The following COG5 variants were observed in gnomAD, a reference collection of about 807,000 sequenced individuals.
COG5 encodes component of oligomeric golgi complex 5.
A neutral mutation model predicts 110.4 loss-of-function variants in COG5; 86 were observed. That is an observed-to-expected ratio of 0.78 (90% confidence interval 0.65 to 0.93). COG5 has a LOEUF of 0.93. Among genes scored for constraint, COG5 ranks in the 40% least tolerant of loss-of-function variants. The probability of loss-of-function intolerance (pLI) is 0.00; values close to 1 mark genes in which losing one functional copy is unlikely to be tolerated. For synonymous variants in COG5, 360 were observed against 334.6 expected, an observed-to-expected ratio of 1.08 and a Z score of -0.83; for missense variants, 1,077 against 987.0, an observed-to-expected ratio of 1.09 and a Z score of -1.22.
intron 17 of COG5, 145 bp from the exon 18 acceptor site, chr7:107,236,832 A>G (rs537052608): frequency 5.8e-6 from 4 of 694,132 alleles, no homozygotes; most frequent in Admixed American, 2.2e-5. Flanking sequence ...TTACTTTTTG[A>G]TAAGCGTTAG....
intron 21 of COG5, among the ~76,000 whole-genome samples, chr7:107,205,616 A>T (rs147165168): frequency 6.6e-6 from 1 of 152,322 alleles, no homozygotes; most frequent in East Asian, 1.9e-4. Context: ...TCAGTTAAAG[A>T]GCCACATTCT....
intron 10 of COG5, among the ~76,000 whole-genome samples, chr7:107,350,720 G>A (rs895746732): frequency 7.9e-5 from 12 of 152,084 alleles, no homozygotes; most frequent in African/African-American, 2.4e-4. Context: ...GGAATGACAC[G>A]TTGTTACCAA....
intron 6 of COG5, among the ~76,000 whole-genome samples, chr7:107,508,612 T>C (rs1799229009): frequency 6.6e-6 from 1 of 152,190 alleles, no homozygotes; most frequent in Admixed American, 6.5e-5. Flanking sequence ...CCGAGCAGCC[T>C]AACTGGGAGG....
At chr7:107,539,050 GA>G in intron 5 of COG5, among the ~76,000 whole-genome samples, 1 of 152,246 alleles carries the variant, frequency 6.6e-6, no homozygotes, top group South Asian at 2.1e-4. Flanking sequence ...GGCTGAGGAA[GA>G]TGGATCACTT....
At chr7:107,484,056 T>C (rs1408454725) in intron 6 of COG5, among the ~76,000 whole-genome samples, 2 of 152,238 alleles carry the variant, frequency 1.3e-5, no homozygotes, top group Admixed American at 6.5e-5. Flanking sequence ...TCCCTTATCC[T>C]AAAGATAATA....
chr7:107,342,767 T>G (rs1477207696), intron 10 of COG5, among the ~76,000 whole-genome samples: 1 of 152,190 alleles, frequency 6.6e-6, no homozygotes, highest in Non-Finnish European at 1.5e-5. Flanking sequence ...ACGTTGCTTC[T>G]GGCAATGTAA....
Position 107,230,917 on chromosome 7 carries a change from A to T in COG5, c.2092-226T>A, listed in dbSNP as rs534949918. Among the ~76,000 whole-genome samples the T allele has an allele frequency of 7.5e-4, 20 of 26,596 alleles. 1 individual carries two copies. The South Asian group carries it at 8.2e-3, about 11-fold the overall frequency. 17.4% of individuals were successfully genotyped at this position (26,596 alleles called of 152,430 possible). A position where few individuals can be genotyped will look rare whatever the true frequency, so the allele number is the denominator to read the frequency against. The stretch of plus-strand genomic sequence containing the variant: ...ATGAGACAATTCCTTCATGAAAATA[A>T]AAAAAAAACATTTTTTGTTATATAA... On this transcript the variant is annotated intron_variant, in intron 18 of 21. Transcript: ENST00000297135.
At position 107,236,445 on chromosome 7, in the gene COG5, T is replaced by C. The variant is rs907300802; in HGVS notation, c.2091+5A>G. ...TTTTTCTTTTGTAGTAATTCATCAATGTACCTGTGCAAAATCAGCAGCAAG... is the reference window on the plus strand; with the variant it reads ...TTTTTCTTTTGTAGTAATTCATCAACGTACCTGTGCAAAATCAGCAGCAAG... On this transcript the variant is annotated splice_donor_5th_base_variant and intron_variant, in intron 18 of 21. Transcript: ENST00000297135. 11 of 1,602,158 alleles carry C rather than the reference T, an allele frequency of 6.9e-6. No homozygotes were observed. The highest frequency in any genetic ancestry group is 2.2e-5 in the East Asian group (1 of 44,810).
intron 11 of COG5, among the ~76,000 whole-genome samples, chr7:107,306,085 C>G (rs1349767895): frequency 6.6e-6 from 1 of 152,126 alleles, no homozygotes; most frequent in South Asian, 2.1e-4. Flanking sequence ...AAGGGCCATA[C>G]AGCAAACTTG....
At chr7:107,467,613 A>G (rs1796376143) in intron 6 of COG5, among the ~76,000 whole-genome samples, 2 of 152,100 alleles carry the variant, frequency 1.3e-5, no homozygotes, top group South Asian at 4.1e-4. Context: ...CAGCCTCCCA[A>G]AGTGCTGGGA....
intron 6 of COG5, among the ~76,000 whole-genome samples, chr7:107,503,501 A>T (rs2520247): frequency 0.27 from 41,301 of 151,914 alleles, 5,705 homozygotes; most frequent in East Asian, 0.33. Context: ...TTTGGTTCCA[A>T]ATGAATTTTA....
At chr7:107,445,292 A>ACC (rs1379115294) in intron 6 of COG5, among the ~76,000 whole-genome samples, 1 of 152,218 alleles carries the variant, frequency 6.6e-6, no homozygotes, top group African/African-American at 2.4e-5. Flanking sequence ...TTTACTTAAA[A>ACC]CCATACACAT....
At chr7:107,340,727 A>G (rs1811107819) in intron 10 of COG5, among the ~76,000 whole-genome samples, 2 of 152,240 alleles carry the variant, frequency 1.3e-5, no homozygotes, top group South Asian at 4.1e-4. Flanking sequence ...TTGTTTCAAC[A>G]TATGTAAATC....
chr7:107,347,603 G>C (rs570077750), intron 10 of COG5, among the ~76,000 whole-genome samples: 1 of 152,098 alleles, frequency 6.6e-6, no homozygotes, highest in Non-Finnish European at 1.5e-5. Context: ...CCAACACAAA[G>C]AAATGATAAA....
chr7:107,412,595 T>TAAAAAGTAGA lies in COG5; in HGVS notation c.575_576insTCTACTTTTT (p.Glu192AspfsTer9). ...TAAAAAGTAGATCATTTTCTATCAC[T>TAAAAAGTAGA]TCTATTCCAGAAAGATCTATTCCTT... is the stretch of plus-strand genomic sequence containing the variant. On this transcript the variant is annotated frameshift_variant, in exon 7 of 22. Transcript: ENST00000297135. LOFTEE classifies it high-confidence loss of function. The TAAAAAGTAGA allele has an allele frequency of 6.3e-7, 1 of 1,580,488 alleles. No homozygotes were observed. The highest frequency in any genetic ancestry group is 1.1e-5 in the South Asian group (1 of 90,440).
At chr7:107,347,034 A>G (rs1290672011) in intron 10 of COG5, among the ~76,000 whole-genome samples, 4 of 152,216 alleles carry the variant, frequency 2.6e-5, no homozygotes, top group African/African-American at 7.2e-5. Context: ...ATGTACTAGA[A>G]TATTCTAGAA....
intron 7 of COG5, among the ~76,000 whole-genome samples, chr7:107,375,026 C>T (rs1814511578): frequency 6.6e-6 from 1 of 151,978 alleles, no homozygotes; most frequent in African/African-American, 2.4e-5. Context: ...TTGTGTAGCT[C>T]CCCAAACTGC....
intron 19 of COG5, among the ~76,000 whole-genome samples, chr7:107,219,656 G>T (rs901606807): frequency 6.6e-6 from 1 of 152,142 alleles, no homozygotes; most frequent in African/African-American, 2.4e-5. Context: ...GCAGAGAACA[G>T]AATGGTAGTT....
chr7:107,507,297 CTT>C (rs10713224), intron 6 of COG5, among the ~76,000 whole-genome samples: 157 of 131,568 alleles, frequency 1.2e-3, no homozygotes, highest in African/African-American at 3.0e-3. Flanking sequence ...CTTTTCTTTT[CTT>C]TTTTTTTTTT....
Sources: gnomAD v4.1 joint callset for allele counts (sites outside exome capture counted in the v4.1 genomes callset) on GRCh38, gnomAD v4.1.1 for gene constraint, MANE v1.5 for transcripts, NCBI Gene and HGNC (gene_info 2026-07-23, HGNC 2026-07-21) for gene names.